Variants in FAP observed in about 807,000 individuals in gnomAD.
FAP encodes fibroblast activation protein alpha.
A neutral mutation model predicts 126.5 loss-of-function variants in FAP; 110 were observed. The ratio of observed to expected loss-of-function variants is 0.87; its 90% CI spans 0.74 to 1.02. The LOEUF (loss-of-function observed/expected upper bound fraction) is 1.02, where lower values mean the gene tolerates loss of function less well. Ranked by LOEUF, FAP falls within the 50% of genes least tolerant of loss-of-function variation. FAP has a pLI of 0.00. For synonymous variants in FAP, 334 were observed against 297.3 expected, an observed-to-expected ratio of 1.12 and a Z score of -1.27; for missense variants, 919 against 909.2, an observed-to-expected ratio of 1.01 and a Z score of -0.14.
intron 16 of FAP, among the ~76,000 whole-genome samples, chr2:162,197,057 C>T (rs1326214459): frequency 6.6e-6 from 1 of 152,124 alleles, no homozygotes; most frequent in East Asian, 1.9e-4. Context: ...TAGTGCCTTC[C>T]AAAAACATTA....
chr2:162,206,906 G>A (rs549856629), intron 12 of FAP, among the ~76,000 whole-genome samples: 1 of 152,228 alleles, frequency 6.6e-6, no homozygotes, highest in Non-Finnish European at 1.5e-5. Flanking sequence ...CTTTTAGCAA[G>A]TCATTTAATC....
chr2:162,179,810 A>ATTTTTTTTTTTTT (rs1186933075), intron 21 of FAP, among the ~76,000 whole-genome samples: 1 of 107,124 alleles, frequency 9.3e-6, no homozygotes, highest in South Asian at 4.1e-4. Context: ...ATATATATAT[A>ATTTTTTTTTTTTT]TATTTTTTTT....
chr2:162,177,878 T>C (rs1687539655), intron 21 of FAP, among the ~76,000 whole-genome samples: 1 of 152,152 alleles, frequency 6.6e-6, no homozygotes, highest in Non-Finnish European at 1.5e-5. Flanking sequence ...CTTTGTGCAA[T>C]CCTCACGGTG....
At chr2:162,175,136 C>T in intron 21 of FAP, 170 bp from the exon 22 acceptor site, 1 of 538,480 alleles carries the variant, frequency 1.9e-6, no homozygotes, top group South Asian at 2.2e-5. Flanking sequence ...GATAAATGAC[C>T]AGACATAATG....
intron 2 of FAP, among the ~76,000 whole-genome samples, chr2:162,227,695 C>T (rs1450979304): frequency 6.6e-6 from 1 of 152,150 alleles, no homozygotes; most frequent in Non-Finnish European, 1.5e-5. Context: ...AGATGATGAT[C>T]TGGTTGGACT....
chr2:162,228,886 T>C (rs1196700305), intron 2 of FAP, among the ~76,000 whole-genome samples: 1 of 152,184 alleles, frequency 6.6e-6, no homozygotes, highest in Non-Finnish European at 1.5e-5. Flanking sequence ...GGGAAAATTA[T>C]AACACTATTC....
chr2:162,205,273 G>T (rs768082583), intron 12 of FAP, among the ~76,000 whole-genome samples: 1 of 152,124 alleles, frequency 6.6e-6, no homozygotes, highest in African/African-American at 2.4e-5. Flanking sequence ...TCCTACATTA[G>T]TTTCATTAAT....
At chr2:162,240,072 G>T (rs1275571443) in intron 2 of FAP, among the ~76,000 whole-genome samples, 2 of 152,154 alleles carry the variant, frequency 1.3e-5, no homozygotes, top group South Asian at 2.1e-4. Context: ...ACGAAGAGGG[G>T]TGATGCTTGT....
At chr2:162,195,499 A>G (rs1408848369) in intron 16 of FAP, among the ~76,000 whole-genome samples, 1 of 150,938 alleles carries the variant, frequency 6.6e-6, no homozygotes, top group African/African-American at 2.4e-5. Flanking sequence ...GAGAAGAGAA[A>G]ACTCTTCTCT....
chr2:162,225,161 A>T (rs959827097), intron 4 of FAP, among the ~76,000 whole-genome samples: 2 of 152,186 alleles, frequency 1.3e-5, no homozygotes, highest in Non-Finnish European at 2.9e-5. Context: ...GCTGTAGTGA[A>T]ACCCCTTACC....
intron 2 of FAP, among the ~76,000 whole-genome samples, chr2:162,230,152 G>C (rs150297527): frequency 1.3e-5 from 2 of 152,232 alleles, no homozygotes; most frequent in Non-Finnish European, 1.5e-5. Flanking sequence ...AATATACTCA[G>C]AGAAATTCAA....
At chr2:162,179,039 T>C (rs1180945780) in intron 21 of FAP, among the ~76,000 whole-genome samples, 5 of 152,114 alleles carry the variant, frequency 3.3e-5, no homozygotes, top group African/African-American at 1.2e-4. Context: ...TGGCCCATCC[T>C]CTCCCCAAAT....
At chr2:162,186,066 A>G (rs1032901304) in intron 20 of FAP, among the ~76,000 whole-genome samples, 3 of 152,122 alleles carry the variant, frequency 2.0e-5, no homozygotes, top group African/African-American at 7.2e-5. Context: ...GGTGTTTACT[A>G]AAAGTTTGAT....
intron 9 of FAP, 124 bp from the exon 10 acceptor site, chr2:162,216,125 A>T: frequency 1.6e-6 from 1 of 631,298 alleles, no homozygotes; most frequent in Non-Finnish European, 2.8e-6. Flanking sequence ...ACTGTGGAAT[A>T]CATTCTATTT....
In FAP at chr2:162,225,516, T is replaced by C. The variant is rs2106286215; in HGVS notation, c.252A>G (p.Gly84=). The change falls in exon 4 of 26, where the codon GGA becomes GGG. Residue 84 remains glycine, a synonymous_variant. Coordinates refer to ENST00000188790, the MANE Select transcript of FAP (RefSeq NM_004460.5). ...TATTACTCAAAATGGTATATGATTGTCCTGTTTCAATATTATAAAGTACTA... is the reference window on the plus strand; with the variant it reads ...TATTACTCAAAATGGTATATGATTGCCCTGTTTCAATATTATAAAGTACTA... ...NNIVLYNIET[G]QSYTILSNRT... is the part of the protein sequence containing the mutation. The C allele has an allele frequency of 1.2e-6, 2 of 1,601,278 alleles. No individual in the cohort carries two copies. Among genetic ancestry groups the C allele is most frequent in the Non-Finnish European group, 1.7e-6 (2 of 1,172,604 alleles).
chr2:162,177,040 GA>G (rs1687510698), intron 21 of FAP, among the ~76,000 whole-genome samples: 1 of 150,538 alleles, frequency 6.6e-6, no homozygotes, highest in Non-Finnish European at 1.5e-5. Flanking sequence ...TTGTAGAAAT[GA>G]AGAGGGGGAA....
At chr2:162,174,557 G>A (rs1440224836) in intron 22 of FAP, among the ~76,000 whole-genome samples, 2 of 152,086 alleles carry the variant, frequency 1.3e-5, no homozygotes, top group Non-Finnish European at 2.9e-5. Context: ...AGCCAATTAT[G>A]CTGTAGCTGT....
In FAP at chr2:162,191,831, G is replaced by T. The variant is rs563350464; in HGVS notation, c.1451-2077C>A. Among the ~76,000 whole-genome samples, 3 of 152,228 alleles carry T rather than the reference G, an allele frequency of 2.0e-5. No homozygotes were observed. In the South Asian group the frequency reaches 6.2e-4, roughly 32 times the overall value. On this transcript the variant is annotated intron_variant, in intron 17 of 25. Coordinates refer to ENST00000188790, the MANE Select transcript of FAP (RefSeq NM_004460.5). ...GCTCTTCTGGATTCCCACGGAATCT[G>T]GTTCAAGTACTACCTGCTGTTTTCA...
rs149374825 is a variant in FAP at position 162,235,848 on chromosome 2, T to A, written c.91+7060A>T. Among the ~76,000 whole-genome samples the A allele has an allele frequency of 9.8e-5, 15 of 152,300 alleles. No individual in the cohort carries two copies. The East Asian group carries it at 2.7e-3, about 27-fold the overall frequency. On this transcript the variant is annotated intron_variant, in intron 2 of 25. Coordinates refer to ENST00000188790, the MANE Select transcript of FAP (RefSeq NM_004460.5). ...TGAGCTGTAACACTCACTGTGAAGG[T>A]CTGCAGCTTCACTCCTGAAGCCAGC...
Sources: gnomAD v4.1 joint callset for allele counts (sites outside exome capture counted in the v4.1 genomes callset) on GRCh38, gnomAD v4.1.1 for gene constraint, MANE v1.5 for transcripts, NCBI Gene and HGNC (gene_info 2026-07-23, HGNC 2026-07-21) for gene names.